BDP1: variants seen among roughly 807,000 people sequenced by gnomAD.
BDP1 encodes transcription factor TFIIIB component B'' homolog.
Under a neutral mutation model 266.6 loss-of-function variants are expected in BDP1, and 169 were observed. The ratio of observed to expected loss-of-function variants is 0.63; its 90% CI spans 0.56 to 0.72. The LOEUF (loss-of-function observed/expected upper bound fraction) is 0.72, where lower values mean the gene tolerates loss of function less well. Among genes scored for constraint, BDP1 ranks in the 30% least tolerant of loss-of-function variants. The pLI is 0.00. For missense variants in BDP1, 3,015 were observed against 3,053.8 expected, an observed-to-expected ratio of 0.99 and a Z score of 0.30; for synonymous variants, 1,090 against 1,022.4, an observed-to-expected ratio of 1.07 and a Z score of -1.26.
At chr5:71,470,160 C>T (rs1174544789) in intron 6 of BDP1, among the ~76,000 whole-genome samples, 5 of 151,744 alleles carry the variant, frequency 3.3e-5, no homozygotes, top group Non-Finnish European at 5.9e-5. Context: ...AACTCTTGTC[C>T]TCAAATGATC....
At chr5:71,576,576 C>A in the BDP1 span, among the ~76,000 whole-genome samples, 1 of 152,206 alleles carries the variant, frequency 6.6e-6, no homozygotes, top group Admixed American at 6.5e-5. Context: ...AGTTCCTACC[C>A]CCCTCCATAG....
intron 35 of BDP1, among the ~76,000 whole-genome samples, chr5:71,553,522 GGAGA>G (rs1271391988): frequency 1.3e-5 from 2 of 152,142 alleles, no homozygotes; most frequent in African/African-American, 4.8e-5. Context: ...GAAAATTGAT[GGAGA>G]GTAATCAAGA....
In BDP1 at chr5:71,518,961, A is replaced by G. The variant is rs533776367; in HGVS notation, c.4991+1509A>G. Among the ~76,000 whole-genome samples the G allele has an allele frequency of 9.4e-5, 14 of 149,102 alleles. No homozygotes were observed. The East Asian group carries it at 1.8e-3, about 19-fold the overall frequency. Reference sequence around the variant, plus strand: ...CAGCCTCCCGAGTAGTTGGGATTGCAGGCACCCACCACCACACCCTACTAA... The same window carrying G: ...CAGCCTCCCGAGTAGTTGGGATTGCGGGCACCCACCACCACACCCTACTAA... On this transcript the variant is annotated intron_variant, in intron 22 of 38. Transcript: ENST00000358731.
chr5:71,545,102 C>T lies in BDP1; in HGVS notation c.6627C>T (p.Ser2209=), dbSNP rs1362186097. 2 of 1,613,682 alleles carry T rather than the reference C, an allele frequency of 1.2e-6. No homozygotes were observed. The highest frequency in any genetic ancestry group is 1.1e-5 in the South Asian group (1 of 91,048). ...TGTTGTCAGTTGCTCCAGTTGCTTC[C>T]TCTGAGACAGGGCCCTGCACACTTG... The part of the protein sequence containing the change: ...VHMLSVAPVA[S]SETGPCTLGL... Residue 2209 remains serine (S), a synonymous_variant, in exon 32 of 39, where the codon TCC becomes TCT. Coordinates refer to ENST00000358731, the MANE Select transcript of BDP1 (RefSeq NM_018429.3).
chr5:71,561,018 G>A lies in BDP1; in HGVS notation c.7496+781G>A, dbSNP rs376713730. 1.2e-4 allele frequency among the ~76,000 whole-genome samples: 19 copies of A among 152,298 alleles called. 1 individual carries two copies. The highest frequency in any genetic ancestry group is 3.9e-4 in the African/African-American group (16 of 41,556). ...CCCAGCTACTCAGGAGGCTGAGGCC[G>A]GAGTTTGAGATTGCAGTGAGCTATG... On this transcript the variant is annotated intron_variant, in intron 37 of 38. Coordinates refer to ENST00000358731, the MANE Select transcript of BDP1 (RefSeq NM_018429.3).
At chr5:71,470,602 TC>T in intron 7 of BDP1, 113 bp downstream of exon 7, 1 of 700,416 alleles carries the variant, frequency 1.4e-6, no homozygotes, top group Non-Finnish European at 2.3e-6. Context: ...TTTTTTTTTT[TC>T]ATTGAGACAG....
At chr5:71,523,234 C>T (rs948348852) in intron 24 of BDP1, among the ~76,000 whole-genome samples, 8 of 152,224 alleles carry the variant, frequency 5.3e-5, no homozygotes, top group Non-Finnish European at 1.2e-4. Context: ...TCTGCTGCCT[C>T]CTTTTTCTTT....
rs1742105669 is a variant in BDP1 at position 71,544,429 on chromosome 5, A to G, written c.6485A>G (p.Asn2162Ser). 2 of 1,613,990 alleles carry G rather than the reference A, an allele frequency of 1.2e-6. No homozygotes were observed. Among genetic ancestry groups the G allele is most frequent in the Non-Finnish European group, 1.7e-6 (2 of 1,179,976 alleles). The change falls in exon 31 of 39, where the codon AAT becomes AGT. Residue 2162 changes from asparagine (N) to serine (S), a missense_variant. Asn to Ser is a conservative substitution (Grantham distance 46, BLOSUM62 1). Coordinates refer to ENST00000358731, the MANE Select transcript of BDP1 (RefSeq NM_018429.3). ...KNLGPVTTAE[N>S]KDQSKLACVH... ...CTCGGACCAGTTACAACAGCAGAGAATAAGGATCAGAGCAAATTGGCATGT... is the reference window on the plus strand; with the variant it reads ...CTCGGACCAGTTACAACAGCAGAGAGTAAGGATCAGAGCAAATTGGCATGT...
intron 16 of BDP1, among the ~76,000 whole-genome samples, chr5:71,506,600 GACC>G (rs1764588174): frequency 1.3e-5 from 2 of 151,948 alleles, no homozygotes; most frequent in Non-Finnish European, 1.5e-5. Flanking sequence ...AACATAGCAA[GACC>G]CATCTCTATT....
chr5:71,544,904 A>AG (rs750106908), intron 31 of BDP1, 135 bp from the exon 32 acceptor site: 4,526 of 440,430 alleles, frequency 0.01, 308 homozygotes, highest in South Asian at 0.017. Context: ...AAAAAAAAAA[A>AG]AAGTCCTATT....
intron 32 of BDP1, 69 bp downstream of exon 32, chr5:71,545,288 AT>A: frequency 7.5e-7 from 1 of 1,329,658 alleles, no homozygotes; most frequent in Non-Finnish European, 1.1e-6. Context: ...AAAAGGTATA[AT>A]TTACATACAA....
At chr5:71,512,859 A>G (rs779454882) in intron 18 of BDP1, among the ~76,000 whole-genome samples, 15 of 152,052 alleles carry the variant, frequency 9.9e-5, no homozygotes, top group Non-Finnish European at 1.8e-4. Flanking sequence ...GTTTGAGACC[A>G]GCCTGGGCAA....
chr5:71,553,763 T>G (rs1337971611), intron 35 of BDP1, among the ~76,000 whole-genome samples: 1 of 152,208 alleles, frequency 6.6e-6, no homozygotes, highest in Non-Finnish European at 1.5e-5. Flanking sequence ...CAGCCTTTAG[T>G]GCCCCACATT....
the BDP1 span, among the ~76,000 whole-genome samples, chr5:71,572,949 C>A: frequency 6.6e-6 from 1 of 152,126 alleles, no homozygotes; most frequent in African/African-American, 2.4e-5. Context: ...AAAAACAGGG[C>A]CAGGCATGGT....
At position 71,455,825 on chromosome 5, in the gene BDP1, C is replaced by A; in HGVS notation, c.-53C>A. The A allele has an allele frequency of 6.7e-7, 1 of 1,488,874 alleles. No homozygotes were observed. The highest frequency in any genetic ancestry group is 2.3e-4 in the Middle Eastern group (1 of 4,378). 92.2% of individuals were successfully genotyped at this position (1,488,874 alleles called of 1,614,324 possible). On this transcript the variant is annotated 5_prime_UTR_variant, in exon 1 of 39. Coordinates refer to ENST00000358731, the MANE Select transcript of BDP1 (RefSeq NM_018429.3). ...TCCCCTTTCCGGGCAGCCGCCGGGG[C>A]TCGGGGCTGTGAGCGGCCGTGAGGC...
intron 11 of BDP1, chr5:71,494,674 G>T (rs571340433): frequency 6.6e-6 from 1 of 151,980 alleles, no homozygotes; most frequent in Admixed American, 6.6e-5. Context: ...ATTATTTTAC[G>T]CATGTTTGAT....
At chr5:71,498,725 C>CTT (rs901220175) in intron 13 of BDP1, among the ~76,000 whole-genome samples, 7 of 122,278 alleles carry the variant, frequency 5.7e-5, no homozygotes, top group African/African-American at 1.2e-4. Flanking sequence ...CGCCTGCCGT[C>CTT]TTTTTTTTTT....
intron 37 of BDP1, among the ~76,000 whole-genome samples, chr5:71,560,833 G>A (rs541768665): frequency 6.6e-6 from 1 of 152,216 alleles, no homozygotes; most frequent in Non-Finnish European, 1.5e-5. Flanking sequence ...AAGGGGAAGG[G>A]GTTGGGGAAA....
intron 16 of BDP1, among the ~76,000 whole-genome samples, chr5:71,506,823 A>ACACACACACACC (rs377599570): frequency 3.7e-4 from 53 of 141,800 alleles, no homozygotes; most frequent in South Asian, 1.4e-3. Context: ...ACACACACAC[A>ACACACACACACC]CCCATATTTT....
Sources: gnomAD v4.1 joint callset for allele counts (sites outside exome capture counted in the v4.1 genomes callset) on GRCh38, gnomAD v4.1.1 for gene constraint, MANE v1.5 for transcripts, NCBI Gene and HGNC (gene_info 2026-07-23, HGNC 2026-07-21) for gene names.